FOXP2: variants seen among roughly 807,000 people sequenced by gnomAD.
FOXP2 encodes forkhead box P2.
A neutral mutation model predicts 115.8 loss-of-function variants in FOXP2; 12 were observed. That is an observed-to-expected ratio of 0.10 (90% CI 0.07 to 0.17). FOXP2 has a LOEUF of 0.17. FOXP2 is among the 10% of genes least tolerant of loss of function. The probability of loss-of-function intolerance (pLI) is 1.00; values close to 1 mark genes in which losing one functional copy is unlikely to be tolerated. For synonymous variants in FOXP2, 328 were observed against 297.7 expected (o/e 1.10, Z -1.05); for missense variants, 629 against 843.5 (o/e 0.75, Z 3.15).
chr7:114,348,832 C>A (rs1791408999), intron 2 of FOXP2, among the ~76,000 whole-genome samples: 1 of 152,062 alleles, frequency 6.6e-6, no homozygotes, highest in South Asian at 2.1e-4. Context: ...CCCTACCCTG[C>A]AGCAGCTTCC....
At chr7:114,578,546 C>T (rs529900554) in intron 3 of FOXP2, among the ~76,000 whole-genome samples, 3 of 152,184 alleles carry the variant, frequency 2.0e-5, no homozygotes, top group Middle Eastern at 3.4e-3. Context: ...AGTCTTGACT[C>T]ATGGTTCATA....
chr7:114,541,857 T>A (rs894857079), intron 3 of FOXP2, among the ~76,000 whole-genome samples: 1 of 151,658 alleles, frequency 6.6e-6, no homozygotes, highest in Non-Finnish European at 1.5e-5. Context: ...TTAACTAAAG[T>A]GAGAGCAAGA....
chr7:114,212,121 A>AT (rs1794371155), intron 1 of FOXP2, among the ~76,000 whole-genome samples: 1 of 38,978 alleles, frequency 2.6e-5, no homozygotes, highest in Non-Finnish European at 1.0e-4. Flanking sequence ...AAATAAAATA[A>AT]AATATATATA....
chr7:114,645,614 T>C (rs1300806219), intron 8 of FOXP2: 4 of 152,152 alleles, frequency 2.6e-5, no homozygotes, highest in Non-Finnish European at 5.9e-5. Context: ...TCTTATGTTG[T>C]CATGGTGCAG....
At chr7:114,533,084 A>G (rs796214058) in intron 2 of FOXP2, among the ~76,000 whole-genome samples, 13 of 152,092 alleles carry the variant, frequency 8.5e-5, no homozygotes, top group African/African-American at 3.1e-4. Flanking sequence ...TATTTACGTT[A>G]ATTTGTAATT....
chr7:114,521,159 A>C (rs1798604542), intron 2 of FOXP2, among the ~76,000 whole-genome samples: 1 of 152,146 alleles, frequency 6.6e-6, no homozygotes, highest in African/African-American at 2.4e-5. Flanking sequence ...TAGAGTACTA[A>C]AGATAGATGT....
chr7:114,415,514 C>T (rs564679497), intron 1 of FOXP2, among the ~76,000 whole-genome samples, 154 bp downstream of exon 1: 3 of 150,068 alleles, frequency 2.0e-5, no homozygotes, highest in African/African-American at 7.3e-5. Flanking sequence ...TATCTGTTTG[C>T]GAGGGAAAAG....
chr7:114,265,401 G>A (rs961225289), intron 1 of FOXP2, among the ~76,000 whole-genome samples: 12 of 152,118 alleles, frequency 7.9e-5, no homozygotes, highest in Admixed American at 6.5e-4. Context: ...CCACATCCAG[G>A]GCACACTGAT....
At chr7:114,588,522 C>T (rs1584928289) in intron 3 of FOXP2, among the ~76,000 whole-genome samples, 1 of 152,112 alleles carries the variant, frequency 6.6e-6, no homozygotes, top group African/African-American at 2.4e-5. Context: ...CCACAAGAAA[C>T]TGACAATACA....
At chr7:114,333,994 T>C (rs1027861948) in intron 2 of FOXP2, among the ~76,000 whole-genome samples, 1 of 152,196 alleles carries the variant, frequency 6.6e-6, no homozygotes, top group African/African-American at 2.4e-5. Flanking sequence ...ATTTGGAGTG[T>C]TGTACTACAG....
intron 2 of FOXP2, among the ~76,000 whole-genome samples, chr7:114,373,052 C>T (rs897660750): frequency 4.0e-5 from 6 of 151,394 alleles, no homozygotes; most frequent in African/African-American, 1.2e-4. Context: ...AAGTGCAGTG[C>T]GGCGATCTTG....
intron 3 of FOXP2, among the ~76,000 whole-genome samples, chr7:114,558,886 C>T (rs1002570469): frequency 2.6e-5 from 4 of 152,112 alleles, no homozygotes; most frequent in African/African-American, 9.7e-5. Context: ...TGATTCTTAA[C>T]CTAGTGGTTG....
intron 16 of FOXP2, among the ~76,000 whole-genome samples, chr7:114,670,981 C>T (rs1017369494): frequency 1.5e-4 from 22 of 151,378 alleles, no homozygotes; most frequent in African/African-American, 5.1e-4. Context: ...TTTTTTTTTG[C>T]CTCACATATG....
chr7:114,597,515 C>T lies in FOXP2; in HGVS notation c.259-31025C>T, dbSNP rs574963541. On this transcript the variant is annotated intron_variant, in intron 3 of 16. Transcript: ENST00000350908. ...GATAATCTTATGCAAAAGGATATGA[C>T]ATTCAGGCATCACCATAAATGCCAG... Among the ~76,000 whole-genome samples, 11 of 152,186 alleles carry T rather than the reference C, an allele frequency of 7.2e-5. No homozygotes were observed. The South Asian group carries it at 2.3e-3, about 32-fold the overall frequency.
At chr7:114,469,917 T>C (rs1795975274) in intron 2 of FOXP2, among the ~76,000 whole-genome samples, 1 of 152,186 alleles carries the variant, frequency 6.6e-6, no homozygotes, top group Non-Finnish European at 1.5e-5. Context: ...AAAGCAGATA[T>C]TTAGAGTTTT....
chr7:114,352,008 C>T (rs532131842), intron 2 of FOXP2, among the ~76,000 whole-genome samples: 1 of 152,098 alleles, frequency 6.6e-6, no homozygotes, highest in East Asian at 1.9e-4. Context: ...TGGCTCACAT[C>T]TATAATCCCA....
chr7:114,295,084 G>A (rs895462542), intron 2 of FOXP2, among the ~76,000 whole-genome samples: 1 of 152,028 alleles, frequency 6.6e-6, no homozygotes, highest in Non-Finnish European at 1.5e-5. Flanking sequence ...TTTTAAACTT[G>A]TGGCTTGGAA....
chr7:114,305,967 T>TA (rs1797004982), intron 2 of FOXP2, among the ~76,000 whole-genome samples: 1 of 151,926 alleles, frequency 6.6e-6, no homozygotes, highest in African/African-American at 2.4e-5. Context: ...GGGAGAGTCA[T>TA]AAAAAAAGCA....
chr7:114,430,511 G>T (rs1032234413), intron 2 of FOXP2, among the ~76,000 whole-genome samples: 1 of 151,716 alleles, frequency 6.6e-6, no homozygotes, highest in African/African-American at 2.4e-5. Context: ...TATTTCAGAA[G>T]GCACTGGTAA....
Sources: allele counts gnomAD v4.1 joint callset (sites outside exome capture counted in the v4.1 genomes callset), GRCh38; gene constraint gnomAD v4.1.1; transcripts MANE v1.5; gene names NCBI Gene and HGNC (gene_info 2026-07-23, HGNC 2026-07-21).